Variants in SLC7A7 observed in about 807,000 individuals in gnomAD.
SLC7A7 encodes solute carrier family 7 member 7, also known as Y+L amino acid transporter 1.
Under a neutral mutation model 47.9 loss-of-function variants are expected in SLC7A7, and 39 were observed. That is an observed-to-expected ratio of 0.81 (90% confidence interval 0.63 to 1.06). The LOEUF (loss-of-function observed/expected upper bound fraction) is 1.06. Among genes scored for constraint, SLC7A7 ranks in the 50% least tolerant of loss-of-function variants. SLC7A7 has a pLI of 0.00. For synonymous variants in SLC7A7, 234 were observed against 242.8 expected, an observed-to-expected ratio of 0.96 and a Z score of 0.34; for missense variants, 588 against 632.0, an observed-to-expected ratio of 0.93 and a Z score of 0.75.
chr14:22,775,413 G>A (rs2038581104), intron 7 of SLC7A7, 31 bp downstream of exon 7: 1 of 1,562,206 alleles, frequency 6.4e-7, no homozygotes, highest in African/African-American at 1.4e-5. Context: ...CCCGCAATCT[G>A]GCTTTCAGTC....
intron 2 of SLC7A7, among the ~76,000 whole-genome samples, chr14:22,788,518 C>T (rs1229631676): frequency 6.6e-6 from 1 of 150,938 alleles, no homozygotes. Context: ...GCCTGGCCAA[C>T]ATGGTGAAAC....
intron 2 of SLC7A7, among the ~76,000 whole-genome samples, chr14:22,793,424 CAA>C (rs2038960792): frequency 6.6e-6 from 1 of 152,154 alleles, no homozygotes; most frequent in Non-Finnish European, 1.5e-5. Flanking sequence ...ATAATTTAGA[CAA>C]AGAGGATAAC....
chr14:22,779,853 AAG>A, intron 3 of SLC7A7, 71 bp downstream of exon 3: 1 of 1,361,246 alleles, frequency 7.3e-7, no homozygotes, highest in Non-Finnish European at 1.0e-6. Context: ...ATAATGCACA[AAG>A]AGCACTTAGA....
intron 2 of SLC7A7, among the ~76,000 whole-genome samples, chr14:22,798,429 C>T (rs576617550): frequency 1.3e-5 from 2 of 152,314 alleles, no homozygotes; most frequent in African/African-American, 2.4e-5. Context: ...CCACCATGCA[C>T]CAGTGCCTTC....
In SLC7A7 at chr14:22,807,151, G is replaced by A. The variant is rs551931770; in HGVS notation, c.499+5749C>T. 3.4e-3 allele frequency among the ~76,000 whole-genome samples: 513 copies of A among 152,030 alleles called. 2 individuals are homozygous for A. The highest frequency in any genetic ancestry group is 5.8e-3 in the Non-Finnish European group (397 of 67,974). On this transcript the variant is annotated intron_variant, in intron 2 of 9. Transcript: ENST00000674313. ...CCTGACCTCGAGATCCACCAGCCTC[G>A]GCCTCCCAAAGTGCTGGGATTACAG...
chr14:22,785,015 G>A (rs1185989847), intron 2 of SLC7A7, among the ~76,000 whole-genome samples: 6 of 151,624 alleles, frequency 4.0e-5, no homozygotes, highest in East Asian at 3.9e-4. Context: ...GCGGTGGTTC[G>A]CGCCTGTAAT....
chr14:22,811,972 G>GAGGACCAGCTAGATAAATAAACTACT (rs1163820852), intron 2 of SLC7A7, among the ~76,000 whole-genome samples: 1 of 151,790 alleles, frequency 6.6e-6, no homozygotes, highest in Non-Finnish European at 1.5e-5. Flanking sequence ...GCCATTAACA[G>GAGGACCAGCTAGATAAATAAACTACT]AGGACCAGCT....
intron 2 of SLC7A7, among the ~76,000 whole-genome samples, chr14:22,781,020 G>GAA (rs142157145): frequency 4.0e-5 from 6 of 150,878 alleles, no homozygotes; most frequent in African/African-American, 1.5e-4. Flanking sequence ...AAGAAAGTTG[G>GAA]AAAAAAAAAT....
intron 2 of SLC7A7, among the ~76,000 whole-genome samples, chr14:22,782,441 C>G (rs1594951653): frequency 6.7e-6 from 1 of 148,464 alleles, no homozygotes; most frequent in Non-Finnish European, 1.5e-5. Flanking sequence ...TATTTATTGA[C>G]TTATTTATTT....
chr14:22,799,093 C>A (rs975279158), intron 2 of SLC7A7, among the ~76,000 whole-genome samples: 1 of 152,178 alleles, frequency 6.6e-6, no homozygotes, highest in African/African-American at 2.4e-5. Context: ...ATTTCACCCT[C>A]ACTGCCCTGA....
intron 2 of SLC7A7, among the ~76,000 whole-genome samples, chr14:22,806,187 C>CTTT (rs77783824): frequency 0.012 from 901 of 78,304 alleles, 134 homozygotes; most frequent in Non-Finnish European, 0.017. Flanking sequence ...ACATCAATCT[C>CTTT]TTTTTTTTTT....
In SLC7A7 at chr14:22,782,102, A is replaced by C. The variant is rs570682015; in HGVS notation, c.500-2051T>G. Among the ~76,000 whole-genome samples the C allele has an allele frequency of 2.0e-5, 3 of 151,610 alleles. No homozygotes were observed. In the South Asian group the frequency reaches 6.2e-4, roughly 31 times the overall value. ...GGCTTGTTTATATTTTATTTTATTT[A>C]TTTTTCTTTTTCTTTTTGAGACAGA... On this transcript the variant is annotated intron_variant, in intron 2 of 9. Transcript: ENST00000674313.
intron 2 of SLC7A7, among the ~76,000 whole-genome samples, chr14:22,789,763 G>A (rs2038892323): frequency 6.6e-6 from 1 of 151,966 alleles, no homozygotes; most frequent in South Asian, 2.1e-4. Flanking sequence ...GAAAGAGGGA[G>A]GCAGAAAGGT....
chr14:22,795,381 GCTTGCTTTCTTT>G (rs1253590885), intron 2 of SLC7A7, among the ~76,000 whole-genome samples: 164 of 5,120 alleles, frequency 0.032, 1 homozygote, highest in African/African-American at 0.032. Context: ...AGTATTGCTT[GCTTGCTTTCTTT>G]CTTTCTTTCT....
chr14:22,790,976 GAC>G (rs2038914705), intron 2 of SLC7A7, among the ~76,000 whole-genome samples: 1 of 141,116 alleles, frequency 7.1e-6, no homozygotes, highest in African/African-American at 2.6e-5. Flanking sequence ...CCAGCCTGGT[GAC>G]AGAGCGAGAC....
intron 2 of SLC7A7, among the ~76,000 whole-genome samples, chr14:22,802,305 A>G (rs1017444445): frequency 3.3e-5 from 5 of 152,116 alleles, no homozygotes; most frequent in Non-Finnish European, 7.4e-5. Flanking sequence ...CAGGACACTG[A>G]GGCAGGAGAA....
In SLC7A7 at chr14:22,813,545, G is replaced by A. The variant is rs371955078; in HGVS notation, c.-42-105C>T. Reference sequence around the variant, plus strand: ...ATACGGGCAGCTCACCAACCAATGCGGAGACCTCCAAATAACCTTTTCTCC... The same window carrying A: ...ATACGGGCAGCTCACCAACCAATGCAGAGACCTCCAAATAACCTTTTCTCC... On this transcript the variant is annotated intron_variant, in intron 1 of 9. Transcript: ENST00000674313. 2.1e-4 allele frequency: 181 copies of A among 861,210 alleles called. 1 individual carries two copies. The East Asian group carries it at 2.5e-3, about 12-fold the overall frequency. The allele number at this position is 861,210 out of a possible 1,614,324, so 53.3% of individuals were successfully genotyped here.
Position 22,776,203 on chromosome 14 carries a change from C to T in SLC7A7, c.886G>A (p.Val296Ile), listed in dbSNP as rs141175728. ...TAGTGAAAATCCTTTACCACAGCAACAGCATCACTGGCCAAGATGTCTCTC... is the reference window on the plus strand; with the variant it reads ...TAGTGAAAATCCTTTACCACAGCAATAGCATCACTGGCCAAGATGTCTCTC... Reference protein sequence around the residue: ...DMRDILASDAVAVTFADQIFG... With the variant: ...DMRDILASDAIAVTFADQIFG... Residue 296 changes from valine (V) to isoleucine (I), a missense_variant, in exon 5 of 10, where the codon GTT becomes ATT. Physicochemically the swap from Val to Ile is conservative, Grantham distance 29. Transcript: ENST00000674313. 8.1e-6 allele frequency: 13 copies of T among 1,614,106 alleles called. No homozygotes were observed. In the African/African-American group the frequency reaches 1.6e-4, roughly 20 times the overall value.
chr14:22,797,266 A>T (rs1248356295), intron 2 of SLC7A7, among the ~76,000 whole-genome samples: 1 of 152,196 alleles, frequency 6.6e-6, no homozygotes, highest in African/African-American at 2.4e-5. Flanking sequence ...GCACTGGGGC[A>T]GTCCACGAAT....
Sources: gnomAD v4.1 joint callset for allele counts (sites outside exome capture counted in the v4.1 genomes callset) on GRCh38, gnomAD v4.1.1 for gene constraint, MANE v1.5 for transcripts, NCBI Gene and HGNC (gene_info 2026-07-23, HGNC 2026-07-21) for gene names.